The following ST18 variants were observed in gnomAD, a reference collection of about 807,000 sequenced individuals.
The protein encoded by ST18 is ST18 C2H2C-type zinc finger transcription factor, also known as suppression of tumorigenicity 18 protein.
Under a neutral mutation model 110.0 loss-of-function variants are expected in ST18, and 50 were observed. That is an observed-to-expected ratio of 0.45 (90% confidence interval 0.36 to 0.58). The LOEUF is 0.58. Among genes scored for constraint, ST18 ranks in the 20% least tolerant of loss-of-function variants. The probability of loss-of-function intolerance (pLI) is 0.00; values close to 1 mark genes in which losing one functional copy is unlikely to be tolerated. For missense variants in ST18, 1,306 were observed against 1,280.1 expected, an observed-to-expected ratio of 1.02 and a Z score of -0.31; for synonymous variants, 461 against 452.4, an observed-to-expected ratio of 1.02 and a Z score of -0.24.
intron 2 of ST18, chr8:52,405,760 C>G (rs1025327892): frequency 6.6e-6 from 1 of 151,984 alleles, no homozygotes; most frequent in Non-Finnish European, 1.5e-5. Flanking sequence ...TCTTAAAAAT[C>G]TGCCTACTTA....
At chr8:52,214,360 C>A (rs1184896873) in intron 6 of ST18, 103 bp from the exon 7 acceptor site, 3 of 1,213,588 alleles carry the variant, frequency 2.5e-6, no homozygotes, top group African/African-American at 3.0e-5. Flanking sequence ...AAACAGTAGC[C>A]TTCCATGCTC....
At chr8:52,369,343 G>A (rs1829383513) in intron 2 of ST18, among the ~76,000 whole-genome samples, 1 of 152,172 alleles carries the variant, frequency 6.6e-6, no homozygotes, top group South Asian at 2.1e-4. Context: ...CGTGGAAGTG[G>A]AGTATACTAT....
At chr8:52,349,740 G>A (rs774945698) in intron 2 of ST18, among the ~76,000 whole-genome samples, 1 of 152,186 alleles carries the variant, frequency 6.6e-6, no homozygotes, top group Non-Finnish European at 1.5e-5. Context: ...GGGTCCTGGT[G>A]GGAAACAGAT....
At chr8:52,203,151 A>C (rs1564034841) in intron 8 of ST18, among the ~76,000 whole-genome samples, 1 of 152,216 alleles carries the variant, frequency 6.6e-6, no homozygotes, top group Non-Finnish European at 1.5e-5. Flanking sequence ...TGTATGATAA[A>C]TTAAAAATTG....
At chr8:52,402,317 C>G (rs1307710570) in intron 2 of ST18, among the ~76,000 whole-genome samples, 1 of 152,148 alleles carries the variant, frequency 6.6e-6, no homozygotes, top group African/African-American at 2.4e-5. Context: ...GTCCTGGGCT[C>G]AGTGTCTTGT....
intron 6 of ST18, among the ~76,000 whole-genome samples, chr8:52,217,094 C>T (rs1189131854): frequency 6.6e-6 from 1 of 152,122 alleles, no homozygotes; most frequent in Non-Finnish European, 1.5e-5. Flanking sequence ...CTGCCTAAGC[C>T]CCGAATACTA....
chr8:52,356,976 A>C (rs935890975), intron 2 of ST18, among the ~76,000 whole-genome samples: 1 of 152,154 alleles, frequency 6.6e-6, no homozygotes, highest in Non-Finnish European at 1.5e-5. Flanking sequence ...ATTAGGCTGA[A>C]TACCTGGGTG....
Position 52,131,307 on chromosome 8 carries a change from A to G in ST18, c.2666+651T>C, listed in dbSNP as rs111345278. Among the ~76,000 whole-genome samples the G allele has an allele frequency of 6.9e-3, 1,058 of 152,282 alleles. 15 individuals are homozygous for G. The highest frequency in any genetic ancestry group is 0.024 in the African/African-American group (985 of 41,548). On this transcript the variant is annotated intron_variant, in intron 22 of 25. Coordinates refer to ENST00000689386, the MANE Select transcript of ST18 (RefSeq NM_001352837.2). ...GGAGAAATATGTAGGGAAGCTTCTA[A>G]TCTTTCCCTTTAGGTGGAATGTGAA...
chr8:52,172,890 C>T (rs1482057415), intron 9 of ST18, among the ~76,000 whole-genome samples: 2 of 152,018 alleles, frequency 1.3e-5, no homozygotes, highest in Non-Finnish European at 2.9e-5. Flanking sequence ...GGGGTATTGA[C>T]CAAGACAAGA....
intron 2 of ST18, among the ~76,000 whole-genome samples, chr8:52,281,956 T>C (rs1472941083): frequency 6.6e-6 from 1 of 152,200 alleles, no homozygotes; most frequent in Non-Finnish European, 1.5e-5. Flanking sequence ...ACTGCTTAGA[T>C]GGCGGGTGCA....
At chr8:52,289,428 C>T (rs1396448188) in intron 2 of ST18, among the ~76,000 whole-genome samples, 1 of 152,012 alleles carries the variant, frequency 6.6e-6, no homozygotes, top group African/African-American at 2.4e-5. Context: ...ACTCCAGCCT[C>T]GGGGACAGAT....
At chr8:52,171,312 G>T (rs944600044) in intron 10 of ST18, among the ~76,000 whole-genome samples, 3 of 152,146 alleles carry the variant, frequency 2.0e-5, no homozygotes, top group African/African-American at 7.2e-5. Context: ...TATGAGCCCC[G>T]AGTTAGAAAG....
At chr8:52,210,661 C>A (rs1353184092) in intron 8 of ST18, among the ~76,000 whole-genome samples, 2 of 151,600 alleles carry the variant, frequency 1.3e-5, no homozygotes, top group Admixed American at 1.3e-4. Flanking sequence ...CTTTTTGAGA[C>A]CATGTCTCAA....
At chr8:52,316,322 A>C (rs1373936484) in intron 2 of ST18, among the ~76,000 whole-genome samples, 1 of 152,236 alleles carries the variant, frequency 6.6e-6, no homozygotes, top group Non-Finnish European at 1.5e-5. Context: ...AAATTTTAAT[A>C]GTTACCATCA....
rs545754234 is a variant in ST18 at position 52,111,522 on chromosome 8, C to T, written c.*1676G>A. Reference sequence around the variant, plus strand: ...AAGATAAGCCCCACTTAATGCATAACAATGACCAAAGTTTCATGGGAGTGG... The same window carrying T: ...AAGATAAGCCCCACTTAATGCATAATAATGACCAAAGTTTCATGGGAGTGG... On this transcript the variant is annotated 3_prime_UTR_variant, in exon 26 of 26. Coordinates refer to ENST00000689386, the MANE Select transcript of ST18 (RefSeq NM_001352837.2). 6.6e-6 allele frequency: 1 copy of T among 152,650 alleles called. No homozygotes were observed. Among genetic ancestry groups the T allele is most frequent in the Admixed American group, 6.5e-5 (1 of 15,284 alleles). 9.5% of individuals were successfully genotyped at this position (152,650 alleles called of 1,614,324 possible). A position where few individuals can be genotyped will look rare whatever the true frequency, so the allele number is the denominator to read the frequency against.
chr8:52,206,703 G>A (rs1330180729), intron 8 of ST18: 1 of 152,184 alleles, frequency 6.6e-6, no homozygotes, highest in African/African-American at 2.4e-5. Context: ...GGTAAAAAGG[G>A]TTTTCTTGAA....
At position 52,335,854 on chromosome 8, in the gene ST18, G is replaced by A. The variant is rs563285213; in HGVS notation, c.-465+73474C>T. On this transcript the variant is annotated intron_variant, in intron 2 of 25. Coordinates refer to ENST00000689386, the MANE Select transcript of ST18 (RefSeq NM_001352837.2). ...TACTGCAGCCAACAAGGTGTCCTCC[G>A]TAAGCACCTCCCTTCACCCTCCAAT... Among the ~76,000 whole-genome samples, 9 of 152,108 alleles carry A rather than the reference G, an allele frequency of 5.9e-5. No homozygotes were observed. The South Asian group carries it at 1.0e-3, about 18-fold the overall frequency.
chr8:52,362,366 T>C (rs1490026281), intron 2 of ST18, among the ~76,000 whole-genome samples: 2 of 152,214 alleles, frequency 1.3e-5, no homozygotes, highest in Non-Finnish European at 2.9e-5. Context: ...TGACTAGCAG[T>C]CTTAGGCAGC....
intron 16 of ST18, among the ~76,000 whole-genome samples, chr8:52,145,148 A>G (rs1419856038): frequency 6.6e-6 from 1 of 152,070 alleles, no homozygotes; most frequent in East Asian, 1.9e-4. Context: ...CTAAGAAGAC[A>G]TGTATATTTA....
Sources: allele counts gnomAD v4.1 joint callset (sites outside exome capture counted in the v4.1 genomes callset), GRCh38; gene constraint gnomAD v4.1.1; transcripts MANE v1.5; gene names NCBI Gene and HGNC (gene_info 2026-07-23, HGNC 2026-07-21).